Variants in TCIRG1 observed in about 807,000 individuals in gnomAD.
The protein encoded by TCIRG1 is T cell immune regulator 1, ATPase H+ transporting V0 subunit a3, also known as V-type proton ATPase 116 kDa subunit a 3.
Under a neutral mutation model 95.5 loss-of-function variants are expected in TCIRG1, and 86 were observed. The observed-to-expected ratio is 0.90, with a 90% CI of 0.76 to 1.08. The LOEUF (loss-of-function observed/expected upper bound fraction) is 1.08. Ranked by LOEUF, TCIRG1 falls within the 50% of genes least tolerant of loss-of-function variation. The pLI is 0.00. For missense variants in TCIRG1, 1,069 were observed against 1,140.2 expected (o/e 0.94, Z 0.90); for synonymous variants, 499 against 501.3 (o/e 1.00, Z 0.06).
intron 15 of TCIRG1, 150 bp downstream of exon 15, chr11:68,049,444 A>G: frequency 3.0e-6 from 3 of 1,004,950 alleles, no homozygotes; most frequent in Non-Finnish European, 4.3e-6. Flanking sequence ...GATGGTGTGC[A>G]TCTTTAGCAG....
Position 68,042,693 on chromosome 11 carries a change from A to G in TCIRG1, c.247A>G (p.Lys83Glu), listed in dbSNP as rs142855299. 1,377 of 1,546,186 alleles carry G rather than the reference A, an allele frequency of 8.9e-4. 9 individuals are homozygous for G. The African/African-American group carries it at 0.015, about 17-fold the overall frequency. Reference sequence around the variant, plus strand: ...GGCTGGGCTGGTCCTGCCCCCGCCAAAGGGGAGGCTGCCGGCACCCCCACC... The same window carrying G: ...GGCTGGGCTGGTCCTGCCCCCGCCAGAGGGGAGGCTGCCGGCACCCCCACC... Reference protein sequence around the residue: ...RRAGLVLPPPKGRLPAPPPRD... With the variant: ...RRAGLVLPPPEGRLPAPPPRD... The change falls in exon 4 of 20, where the codon AAG (lysine) becomes GAG (glutamate). Residue 83 changes from lysine (K) to glutamate (E), a missense_variant. Coordinates refer to ENST00000265686, the MANE Select transcript of TCIRG1 (RefSeq NM_006019.4).
intron 1 of TCIRG1, chr11:68,039,844 T>TC (rs1317264063): frequency 7.4e-6 from 1 of 134,586 alleles, no homozygotes; most frequent in Non-Finnish European, 1.6e-5. Context: ...CCTCGAGCCC[T>TC]CGGCATAGTG....
downstream of TCIRG1, chr11:68,053,289 C>T (rs1241502764): frequency 1.3e-5 from 2 of 152,428 alleles, no homozygotes; most frequent in Admixed American, 6.5e-5. Context: ...CTGCACACTC[C>T]ATCAGGAGGA....
In TCIRG1 at chr11:68,042,821, G is replaced by C; in HGVS notation, c.375G>C (p.Leu125=). Residue 125 remains leucine (L), a synonymous_variant, in exon 4 of 20, where the codon CTG becomes CTC. Transcript: ENST00000265686. ...QQALRAQLHQ[L]QLHAAVLRQG... ...CCCTGCGGGCCCAGCTGCACCAGCT[G>C]CAGCTCCACGCCGCCGTGCTACGCC... 1.3e-6 allele frequency: 2 copies of C among 1,548,706 alleles called. No individual in the cohort carries two copies. Among genetic ancestry groups the C allele is most frequent in the Non-Finnish European group, 1.7e-6 (2 of 1,146,252 alleles).
chr11:68,047,484 A>C lies in TCIRG1; in HGVS notation c.1217A>C (p.Asp406Ala). The change falls in exon 11 of 20, where the codon GAT becomes GCT. Residue 406 changes from aspartate (D) to alanine (A), a missense_variant. Transcript: ENST00000265686. The stretch of plus-strand genomic sequence containing the variant: ...TTCCTGTTTGCTGTGATGTTCGGGG[A>C]TGTGGGCCACGGGCTGCTCATGTTC... ...FPFLFAVMFG[D>A]VGHGLLMFLF... The C allele has an allele frequency of 3.1e-6, 5 of 1,613,724 alleles. No individual in the cohort carries two copies. Among genetic ancestry groups the C allele is most frequent in the Non-Finnish European group, 4.2e-6 (5 of 1,179,944 alleles).
rs937744435 is a variant in TCIRG1 at position 68,047,994 on chromosome 11, C to T, written c.1554+22C>T. 3 of 1,607,048 alleles carry T rather than the reference C, an allele frequency of 1.9e-6. No homozygotes were observed. The Admixed American group carries it at 5.0e-5, about 27-fold the overall frequency. On this transcript the variant is annotated intron_variant, in intron 13 of 19. Transcript: ENST00000265686. Reference sequence around the variant, plus strand: ...TCCTGTGAGTCCTGGGATGGAGTGTCCGTGGGTGGTGAAGGCAGCTGGGAG... The same window carrying T: ...TCCTGTGAGTCCTGGGATGGAGTGTTCGTGGGTGGTGAAGGCAGCTGGGAG...
chr11:68,039,371 C>T (rs542146905), intron 1 of TCIRG1, among the ~76,000 whole-genome samples: 21 of 152,322 alleles, frequency 1.4e-4, no homozygotes, highest in African/African-American at 4.8e-4. Context: ...CCCGCTGCTG[C>T]TTCCTTGGAG....
rs890458493 is a variant in TCIRG1, at chr11:68,049,270, C to G, written c.1863C>G (p.Ser621Arg). 2 of 1,612,084 alleles carry G rather than the reference C, an allele frequency of 1.2e-6. No individual in the cohort carries two copies. Among genetic ancestry groups the G allele is most frequent in the African/African-American group, 2.7e-5 (2 of 74,938 alleles). ...INMFLFSHSP[S>R]NRLLYPRQEV... ...TGTTCCTCTTCTCCCACAGCCCCAGCAACAGGCTGCTCTACCCCCGGCAGG... is the reference window on the plus strand; with the variant it reads ...TGTTCCTCTTCTCCCACAGCCCCAGGAACAGGCTGCTCTACCCCCGGCAGG... Residue 621 changes from serine to arginine, a missense_variant, in exon 15 of 20, where the codon AGC (serine) becomes AGG (arginine). By Grantham distance (110) the Ser-to-Arg change is moderately radical (BLOSUM62 -1). Transcript: ENST00000265686.
chr11:68,044,809 G>A, intron 9 of TCIRG1, 149 bp from the exon 10 acceptor site: 1 of 1,000,236 alleles, frequency 1.0e-6, no homozygotes, highest in Non-Finnish European at 1.5e-6. Context: ...GGGCAGAGCA[G>A]GGCTGATCAT....
Position 68,043,853 on chromosome 11 carries a change from G to A in TCIRG1, c.753G>A (p.Glu251=), listed in dbSNP as rs1406139387. ...TCTTCCCGTTTCTGCAGCAGGAGGAGGCCCGCCTCGGGGCCCTGCAGCAGC... is the reference window on the plus strand; with the variant it reads ...TCTTCCCGTTTCTGCAGCAGGAGGAAGCCCGCCTCGGGGCCCTGCAGCAGC... The part of the protein sequence containing the change: ...CHVFPFLQQE[E]ARLGALQQLQ... Residue 251 remains glutamate, a synonymous_variant, in exon 8 of 20, where the codon GAG becomes GAA. Coordinates refer to ENST00000265686, the MANE Select transcript of TCIRG1 (RefSeq NM_006019.4). 4.5e-6 allele frequency: 7 copies of A among 1,558,530 alleles called. No individual in the cohort carries two copies. The highest frequency in any genetic ancestry group is 1.9e-5 in the Admixed American group (1 of 52,090).
chr11:68,045,390 C>G (rs1266154866), intron 10 of TCIRG1, among the ~76,000 whole-genome samples: 1 of 152,240 alleles, frequency 6.6e-6, no homozygotes. Flanking sequence ...AAGCCCATCT[C>G]GCCTACTTTG....
rs752722985 is a variant in TCIRG1 at position 68,043,386 on chromosome 11, C to T, written c.519C>T (p.Ala173=). The change falls in exon 6 of 20, where the codon GCC becomes GCT. Residue 173 remains alanine, a synonymous_variant. Transcript: ENST00000265686. The part of the protein sequence containing the change: ...QDLRVNFVAG[A]VEPHKAPALE... ...TGGCCGCCAGCTTTGTGGCAGGTGCCGTGGAGCCCCACAAGGCCCCTGCCC... is the reference window on the plus strand; with the variant it reads ...TGGCCGCCAGCTTTGTGGCAGGTGCTGTGGAGCCCCACAAGGCCCCTGCCC... The T allele has an allele frequency of 3.5e-5, 54 of 1,539,282 alleles. No individual in the cohort carries two copies. The highest frequency in any genetic ancestry group is 1.8e-4 in the African/African-American group (13 of 72,970).
intron 2 of TCIRG1, 28 bp from the exon 3 acceptor site, chr11:68,041,725 C>T: frequency 6.3e-7 from 1 of 1,589,832 alleles, no homozygotes; most frequent in Non-Finnish European, 8.6e-7. Flanking sequence ...CTTCCCGGGA[C>T]ACTCACCCCT....
chr11:68,042,843 C>T lies in TCIRG1; in HGVS notation c.397C>T (p.Arg133Cys), dbSNP rs756020553. 6.1e-5 allele frequency: 94 copies of T among 1,549,196 alleles called. No homozygotes were observed. Among genetic ancestry groups the T allele is most frequent in the Middle Eastern group, 1.7e-4 (1 of 5,838 alleles). Reference protein sequence around the residue: ...HQLQLHAAVLRQGHEPQLAAA... With the variant: ...HQLQLHAAVLCQGHEPQLAAA... ...GCTGCAGCTCCACGCCGCCGTGCTA[C>T]GCCAGGGCCATGAACCTCAGGTCAG... The change falls in exon 4 of 20, where the codon CGC (arginine) becomes TGC (cysteine). Residue 133 changes from arginine to cysteine, a missense_variant. Coordinates refer to ENST00000265686, the MANE Select transcript of TCIRG1 (RefSeq NM_006019.4).
At chr11:68,041,142 A>G in intron 1 of TCIRG1, 126 bp from the exon 2 acceptor site, 1 of 755,576 alleles carries the variant, frequency 1.3e-6, no homozygotes, top group Non-Finnish European at 2.4e-6. Flanking sequence ...CTCAGTTTCC[A>G]CCTCTGTCAG....
In TCIRG1 at chr11:68,043,919, C is replaced by T. The variant is rs771947923; in HGVS notation, c.807+12C>T. 2.7e-5 allele frequency: 42 copies of T among 1,538,648 alleles called. No homozygotes were observed. Among genetic ancestry groups the T allele is most frequent in the Middle Eastern group, 1.8e-4 (1 of 5,542 alleles). On this transcript the variant is annotated intron_variant, in intron 8 of 19. Transcript: ENST00000265686. ...AGGAGCTGCAGGAGGTGGGTGCCCC[C>T]GGCCTTCCGGAGGCGGGTGTAGGAG... is the stretch of plus-strand genomic sequence containing the variant.
intron 9 of TCIRG1, 108 bp from the exon 10 acceptor site, chr11:68,044,850 C>T (rs1458416682): frequency 7.2e-7 from 1 of 1,394,334 alleles, no homozygotes; most frequent in Non-Finnish European, 1.0e-6. Flanking sequence ...AGGGGCTGCC[C>T]AGTGAGCCCC....
chr11:68,049,856 C>T, intron 16 of TCIRG1, 68 bp downstream of exon 16: 1 of 1,554,256 alleles, frequency 6.4e-7, no homozygotes, highest in South Asian at 1.2e-5. Context: ...GTGTCCCTGA[C>T]TCCTCGCTTC....
In TCIRG1 at chr11:68,044,137, C is replaced by A; in HGVS notation, c.813C>A (p.Leu271=). 6.5e-7 allele frequency: 1 copy of A among 1,548,710 alleles called. No homozygotes were observed. The highest frequency in any genetic ancestry group is 1.2e-5 in the South Asian group (1 of 84,044). The change falls in exon 9 of 20, where the codon CTC becomes CTA. Residue 271 remains leucine, a synonymous_variant. Coordinates refer to ENST00000265686, the MANE Select transcript of TCIRG1 (RefSeq NM_006019.4). The stretch of plus-strand genomic sequence containing the variant: ...GACTGCCCACTCTGGCGCAGGTCCT[C>A]GGGGAGACAGAGCGGTTCCTGAGCC... The part of the protein sequence containing the change: ...QQQSQELQEV[L]GETERFLSQV...
Sources: gnomAD v4.1 joint callset for allele counts (sites outside exome capture counted in the v4.1 genomes callset) on GRCh38, gnomAD v4.1.1 for gene constraint, MANE v1.5 for transcripts, NCBI Gene and HGNC (gene_info 2026-07-23, HGNC 2026-07-21) for gene names.